Variants in MCF2L observed in about 807,000 individuals in gnomAD.
The protein encoded by MCF2L is guanine nucleotide exchange factor DBS.
Under a neutral mutation model 153.4 loss-of-function variants are expected in MCF2L, and 97 were observed. The observed-to-expected ratio is 0.63, with a 90% CI of 0.54 to 0.75. MCF2L has a LOEUF of 0.75. Among genes scored for constraint, MCF2L ranks in the 30% least tolerant of loss-of-function variants. The pLI, the probability that MCF2L is intolerant of heterozygous loss-of-function variation, is 0.00. For missense variants in MCF2L, 1,347 were observed against 1,495.2 expected (o/e 0.90, Z 1.64); for synonymous variants, 659 against 632.2 (o/e 1.04, Z -0.64).
intron 5 of MCF2L, among the ~76,000 whole-genome samples, chr13:113,060,923 C>T (rs1432971235): frequency 4.6e-5 from 7 of 151,934 alleles, no homozygotes; most frequent in African/African-American, 1.5e-4. Flanking sequence ...GCCCCCACCC[C>T]GCCAGAGGTG....
At chr13:112,922,541 A>C (rs1202246248) in intron 2 of MCF2L, among the ~76,000 whole-genome samples, 2 of 152,066 alleles carry the variant, frequency 1.3e-5, no homozygotes, top group Admixed American at 6.6e-5. Flanking sequence ...AAAAAAAAAA[A>C]AAACCCATCA....
Position 113,077,141 on chromosome 13 carries a change from G to A in MCF2L, c.1590G>A (p.Arg530=). The A allele has an allele frequency of 3.1e-6, 5 of 1,612,284 alleles. No homozygotes were observed. The highest frequency in any genetic ancestry group is 2.5e-6 in the Non-Finnish European group (3 of 1,179,668). The change falls in exon 13 of 30, where the codon AGG becomes AGA. Residue 530 remains arginine, a synonymous_variant. Transcript: ENST00000535094. ...RQASLKKLAA[R]QTRPVQPVAP... is the part of the protein sequence containing the mutation. ...CCAGCCTGAAGAAGCTGGCGGCCAG[G>A]CAGACGCGGCCCGTGCAGCCGGTGG...
chr13:112,968,536 G>C (rs1411217601), upstream of MCF2L: 1 of 1,559,542 alleles, frequency 6.4e-7, no homozygotes, highest in Admixed American at 1.9e-5. Flanking sequence ...TTGGGCAGGC[G>C]ATGCCCCTGC....
At position 112,983,720 on chromosome 13, in the gene MCF2L, G is replaced by C. The variant is rs1844218495; in HGVS notation, c.79+14262G>C. Among the ~76,000 whole-genome samples, 1 of 152,194 alleles carries C rather than the reference G, an allele frequency of 6.6e-6. No individual in the cohort carries two copies. The highest frequency in any genetic ancestry group is 6.5e-5 in the Admixed American group (1 of 15,286). Reference sequence around the variant, plus strand: ...AGTGCTCTGACGCACTGTGGCCCCGGGGAAGCGTGGTGTCTGCAGCCTCCT... The same window carrying C: ...AGTGCTCTGACGCACTGTGGCCCCGCGGAAGCGTGGTGTCTGCAGCCTCCT... On this transcript the variant is annotated intron_variant, in intron 1 of 29. Transcript: ENST00000535094. This position sits in a 1 kb window ranked among gnomAD's most constrained non-coding sequence, Gnocchi z 4.0.
At chr13:112,955,183 T>C (rs2081742357) in intron 2 of MCF2L, among the ~76,000 whole-genome samples, 1 of 152,096 alleles carries the variant, frequency 6.6e-6, no homozygotes, top group African/African-American at 2.4e-5. Context: ...CCCGTCCCAT[T>C]GCTCAGTGCT....
chr13:113,044,608 G>A (rs1286373836), intron 3 of MCF2L: 4 of 1,566,614 alleles, frequency 2.6e-6, no homozygotes, highest in East Asian at 4.7e-5. Flanking sequence ...TGGCTGCAGA[G>A]TGAGCCCACG....
At chr13:113,090,041 G>A (rs747592056) in intron 26 of MCF2L, 1 of 1,588,640 alleles carries the variant, frequency 6.3e-7, no homozygotes, top group East Asian at 2.3e-5. Context: ...GATGCCCTCT[G>A]CATAGTTTCT....
At chr13:113,044,903 A>T (rs1278590696) in intron 3 of MCF2L, 1 of 1,612,530 alleles carries the variant, frequency 6.2e-7, no homozygotes, top group South Asian at 1.1e-5. Flanking sequence ...GCGCCATAAG[A>T]CTGTTTTGGA....
chr13:113,090,432 T>TGCCGGG, intron 26 of MCF2L: 3 of 533,284 alleles, frequency 5.6e-6, no homozygotes, highest in African/African-American at 2.2e-5. Context: ...CTCCTTCCTC[T>TGCCGGG]CCCTGCCCCC....
chr13:112,960,012 G>A lies in MCF2L; in HGVS notation c.170-54751G>A, dbSNP rs1176515009. Among the ~76,000 whole-genome samples, 3 of 152,238 alleles carry A rather than the reference G, an allele frequency of 2.0e-5. No individual in the cohort carries two copies. The highest frequency in any genetic ancestry group is 4.8e-5 in the African/African-American group (2 of 41,454). On this transcript the variant is annotated intron_variant, in intron 2 of 29. Transcript: ENST00000375608. The surrounding 1 kb of genome is among the most constrained non-coding windows in gnomAD (Gnocchi z 4.2). Reference sequence around the variant, plus strand: ...TCTCTGTTCTCACGCGTCGGGCTGCGGCAGAGGTGCCTGTGTCACCGAGGT... The same window carrying A: ...TCTCTGTTCTCACGCGTCGGGCTGCAGCAGAGGTGCCTGTGTCACCGAGGT...
intron 3 of MCF2L, among the ~76,000 whole-genome samples, chr13:113,041,795 A>T (rs969905170): frequency 2.6e-5 from 4 of 152,140 alleles, no homozygotes; most frequent in African/African-American, 9.7e-5. Flanking sequence ...TGCGCAGGGC[A>T]GGAGGCTGAG....
chr13:113,087,778 C>T lies in MCF2L; in HGVS notation c.2667C>T (p.Arg889=), dbSNP rs539249538. 4.0e-5 allele frequency: 64 copies of T among 1,614,110 alleles called. 2 individuals carry two copies. The Admixed American group carries it at 7.8e-4, about 20-fold the overall frequency. ...AGTTCGAGATCTGGTACAACGCGCG[C>T]GAGGAGGTCTACATCGTCCAGGTGG... ...AKKFEIWYNA[R]EEVYIVQAPT... Residue 889 remains arginine, a synonymous_variant, in exon 23 of 30, where the codon CGC becomes CGT. Coordinates refer to ENST00000535094, the MANE Select transcript of MCF2L (RefSeq NM_001112732.3).
intron 1 of MCF2L, chr13:113,001,599 T>C: frequency 1.0e-6 from 1 of 997,294 alleles, no homozygotes; most frequent in Non-Finnish European, 1.3e-6. Flanking sequence ...AGGGAGGGTC[T>C]AGACAAGCAA....
rs1353892257 is a variant in MCF2L, at chr13:113,053,367, C to T, written c.370-7226C>T. On this transcript the variant is annotated intron_variant, in intron 4 of 29. Coordinates refer to ENST00000535094, the MANE Select transcript of MCF2L (RefSeq NM_001112732.3). This position sits in a 1 kb window ranked among gnomAD's most constrained non-coding sequence, Gnocchi z 4.4. ...GATTGAGATTTGCGAAGGGTTGAAGCCAGTTGCTTTATGGAATATCCTTTC... is the reference window on the plus strand; with the variant it reads ...GATTGAGATTTGCGAAGGGTTGAAGTCAGTTGCTTTATGGAATATCCTTTC... 6.6e-6 allele frequency among the ~76,000 whole-genome samples: 1 copy of T among 152,186 alleles called. No individual in the cohort carries two copies. Among genetic ancestry groups the T allele is most frequent in the Non-Finnish European group, 1.5e-5 (1 of 68,048 alleles).
chr13:113,050,295 T>A (rs78626883), intron 4 of MCF2L, among the ~76,000 whole-genome samples: 2 of 103,072 alleles, frequency 1.9e-5, no homozygotes, highest in African/African-American at 3.8e-5. Context: ...TGAGAGTGTG[T>A]GTGTGTGAGA....
chr13:113,004,408 C>T (rs1335542891), intron 1 of MCF2L, among the ~76,000 whole-genome samples: 3 of 152,218 alleles, frequency 2.0e-5, no homozygotes, highest in Non-Finnish European at 1.5e-5. Context: ...AGTCTGCAGC[C>T]GTCACTCCAT....
At chr13:112,986,087 C>G (rs192206324) in intron 1 of MCF2L, among the ~76,000 whole-genome samples, 51 of 152,378 alleles carry the variant, frequency 3.3e-4, no homozygotes, top group African/African-American at 1.2e-3. Context: ...CTTCATTCCA[C>G]CTCGAAATCC....
At chr13:112,979,846 GTATTTCTC>G (rs1158783534) in intron 1 of MCF2L, 8 of 1,263,314 alleles carry the variant, frequency 6.3e-6, no homozygotes, top group Non-Finnish European at 8.7e-6. Flanking sequence ...CCTCCCTGGG[GTATTTCTC>G]TCACCACTTG....
Position 112,993,034 on chromosome 13 carries a change from T to TG in MCF2L, c.80-21724dup, listed in dbSNP as rs561867186. Among the ~76,000 whole-genome samples, 27 of 152,208 alleles carry TG rather than the reference T, an allele frequency of 1.8e-4. No individual in the cohort carries two copies. The highest frequency in any genetic ancestry group is 6.5e-4 in the African/African-American group (27 of 41,548). ...GCATCAGGCAGGAGTCCATGGGCCA[T>TG]GGGGGTGAGGAGAGAGCGGCTCGCT... On this transcript the variant is annotated intron_variant, in intron 1 of 29. Transcript: ENST00000535094. The surrounding 1 kb of genome is among the most constrained non-coding windows in gnomAD (Gnocchi z 4.6).
Sources: allele counts gnomAD v4.1 joint callset (sites outside exome capture counted in the v4.1 genomes callset), GRCh38; gene constraint gnomAD v4.1.1; non-coding constraint Gnocchi (gnomAD v3.1); transcripts MANE v1.5; gene names NCBI Gene and HGNC (gene_info 2026-07-23, HGNC 2026-07-21).